Variants in MALT1 observed in about 807,000 individuals in gnomAD.
MALT1 encodes the protein mucosa-associated lymphoid tissue lymphoma translocation protein 1.
In MALT1, 36 loss-of-function variants were observed where a neutral mutation model predicts 85.5. The ratio of observed to expected loss-of-function variants is 0.42; its 90% confidence interval spans 0.32 to 0.56. The LOEUF (loss-of-function observed/expected upper bound fraction) is 0.56. Among genes scored for constraint, MALT1 ranks in the 20% least tolerant of loss-of-function variants. The probability of loss-of-function intolerance (pLI) is 0.10; values close to 1 mark genes in which losing one functional copy is unlikely to be tolerated. For missense variants in MALT1, 716 were observed against 981.6 expected, an observed-to-expected ratio of 0.73 and a Z score of 3.62; for synonymous variants, 359 against 361.3, an observed-to-expected ratio of 0.99 and a Z score of 0.07.
At chr18:58,734,096 A>C (rs1330423280) in intron 11 of MALT1, 1 of 1,330,902 alleles carries the variant, frequency 7.5e-7, no homozygotes, top group East Asian at 2.7e-5. Flanking sequence ...CCAATGCCAG[A>C]GTTCAAATGC....
At chr18:58,675,273 G>A (rs1465653609) in intron 1 of MALT1, 1 of 152,200 alleles carries the variant, frequency 6.6e-6, no homozygotes, top group East Asian at 1.9e-4. Context: ...GCTTAGAAAT[G>A]GGGCTGTGGA....
chr18:58,738,789 CTGTGTGTGTG>C (rs35316552), intron 13 of MALT1, among the ~76,000 whole-genome samples: 2 of 125,150 alleles, frequency 1.6e-5, no homozygotes, highest in African/African-American at 7.9e-5. Flanking sequence ...GTGCATTCTT[CTGTGTGTGTG>C]TGTGTGTGTG....
Position 58,671,556 on chromosome 18 carries a change from C to T in MALT1, c.-88C>T, listed in dbSNP as rs2054159020. 4 of 891,494 alleles carry T rather than the reference C, an allele frequency of 4.5e-6. No individual in the cohort carries two copies. Among genetic ancestry groups the T allele is most frequent in the East Asian group, 3.6e-5 (1 of 28,040 alleles). The allele number at this position is 891,494 out of a possible 1,614,324, so 55.2% of individuals were successfully genotyped here. A position where few individuals can be genotyped will look rare whatever the true frequency, so the allele number is the denominator to read the frequency against. ...TGTTCTTCCGCCCCTGCCTCCGCGG[C>T]TCGGAGGCGAGCGGAAGGTGCCCCG... On this transcript the variant is annotated 5_prime_UTR_variant, in exon 1 of 17. Coordinates refer to ENST00000649217, the MANE Select transcript of MALT1 (RefSeq NM_006785.4).
intron 2 of MALT1, among the ~76,000 whole-genome samples, chr18:58,689,821 G>A (rs2054469158): frequency 1.3e-5 from 2 of 152,212 alleles, no homozygotes; most frequent in Admixed American, 6.5e-5. Context: ...TGCGGGGGAT[G>A]GCAAAGCGGA....
chr18:58,729,756 C>T (rs537353305), intron 10 of MALT1, among the ~76,000 whole-genome samples: 1 of 152,330 alleles, frequency 6.6e-6, no homozygotes, highest in South Asian at 2.1e-4. Context: ...ATCCAAAACA[C>T]TCCTGGTCCC....
chr18:58,701,682 T>C (rs1254622806), intron 4 of MALT1, among the ~76,000 whole-genome samples: 1 of 152,212 alleles, frequency 6.6e-6, no homozygotes, highest in African/African-American at 2.4e-5. Context: ...CCAAACTACT[T>C]ACACAACTAT....
chr18:58,737,570 TTTC>T (rs928677687), intron 13 of MALT1, among the ~76,000 whole-genome samples: 5 of 151,846 alleles, frequency 3.3e-5, no homozygotes, highest in African/African-American at 1.2e-4. Flanking sequence ...ATGTTACCAA[TTTC>T]TTTTTTTAAT....
intron 1 of MALT1, among the ~76,000 whole-genome samples, chr18:58,675,854 C>T (rs934276427): frequency 3.3e-5 from 5 of 152,190 alleles, no homozygotes; most frequent in African/African-American, 1.2e-4. Context: ...TTGCCATCTT[C>T]TCTTGAATGA....
chr18:58,694,702 C>T (rs1310216535), intron 2 of MALT1, among the ~76,000 whole-genome samples: 1 of 152,194 alleles, frequency 6.6e-6, no homozygotes, highest in African/African-American at 2.4e-5. Flanking sequence ...TTATCTCACA[C>T]AGTTTCTGAG....
At chr18:58,730,636 G>A (rs1168234232) in intron 10 of MALT1, among the ~76,000 whole-genome samples, 2 of 151,992 alleles carry the variant, frequency 1.3e-5, no homozygotes, top group South Asian at 2.1e-4. Context: ...ATTTCTCTTC[G>A]GTATGTACCT....
chr18:58,683,650 T>C (rs1018679187), intron 2 of MALT1, among the ~76,000 whole-genome samples: 1 of 152,242 alleles, frequency 6.6e-6, no homozygotes, highest in Non-Finnish European at 1.5e-5. Flanking sequence ...CAGCAACTAA[T>C]AAAGTGCCAC....
intron 15 of MALT1, among the ~76,000 whole-genome samples, 189 bp downstream of exon 15, chr18:58,744,684 T>A (rs2055344366): frequency 1.3e-5 from 2 of 152,136 alleles, no homozygotes; most frequent in African/African-American, 4.8e-5. Flanking sequence ...TTTATGAGAT[T>A]TAGAAATGTC....
chr18:58,680,512 T>C (rs966113683), intron 1 of MALT1, among the ~76,000 whole-genome samples: 16 of 152,234 alleles, frequency 1.1e-4, no homozygotes, highest in African/African-American at 3.4e-4. Context: ...TTTGGGGTCA[T>C]TTTGTATTTC....
At chr18:58,674,270 A>T (rs1401995528) in intron 1 of MALT1, among the ~76,000 whole-genome samples, 1 of 152,202 alleles carries the variant, frequency 6.6e-6, no homozygotes, top group Non-Finnish European at 1.5e-5. Context: ...AGGCTACAAA[A>T]TGGTCTTAGC....
At chr18:58,726,109 A>G (rs1292712198) in intron 10 of MALT1, among the ~76,000 whole-genome samples, 1 of 152,220 alleles carries the variant, frequency 6.6e-6, no homozygotes, top group African/African-American at 2.4e-5. Flanking sequence ...GTAGAGAACC[A>G]GAAATATTAA....
rs1415569599 is a variant in MALT1 at position 58,747,402 on chromosome 18, C to T, written c.2038-3C>T. 3 of 1,581,438 alleles carry T rather than the reference C, an allele frequency of 1.9e-6. No individual in the cohort carries two copies. The Admixed American group carries it at 5.5e-5, about 29-fold the overall frequency. Reference sequence around the variant, plus strand: ...TAATAAACCAGATTTTTTTCCTTTTCAGGAACATCTAGTCTTCACAGTATG... The same window carrying T: ...TAATAAACCAGATTTTTTTCCTTTTTAGGAACATCTAGTCTTCACAGTATG... On this transcript the variant is annotated splice_region_variant and splice_polypyrimidine_tract_variant and intron_variant, in intron 16 of 16. Coordinates refer to ENST00000649217, the MANE Select transcript of MALT1 (RefSeq NM_006785.4).
intron 1 of MALT1, among the ~76,000 whole-genome samples, chr18:58,674,435 A>G (rs1428536675): frequency 1.3e-5 from 2 of 152,146 alleles, no homozygotes; most frequent in Admixed American, 6.6e-5. Context: ...TGAGAGGCAG[A>G]TGAGTTTCAC....
chr18:58,711,031 A>C (rs1435957288), intron 7 of MALT1, 78 bp downstream of exon 7: 1 of 962,076 alleles, frequency 1.0e-6, no homozygotes, highest in Non-Finnish European at 1.6e-6. Flanking sequence ...CTTTTAGCCT[A>C]CTGAGTGCAG....
At chr18:58,698,067 GT>G (rs796905674) in intron 3 of MALT1, among the ~76,000 whole-genome samples, 1 of 74,962 alleles carries the variant, frequency 1.3e-5, no homozygotes, top group Non-Finnish European at 3.2e-5. Flanking sequence ...GTTTTGTTTT[GT>G]TTTTTTGTTT....
Sources: allele counts gnomAD v4.1 joint callset (sites outside exome capture counted in the v4.1 genomes callset), GRCh38; gene constraint gnomAD v4.1.1; transcripts MANE v1.5; gene names NCBI Gene and HGNC (gene_info 2026-07-23, HGNC 2026-07-21).